Variants in GALNT2 observed in about 807,000 individuals in gnomAD.
The protein encoded by GALNT2 is polypeptide N-acetylgalactosaminyltransferase 2, also known as UDP-GalNAc:polypeptide N-acetylgalactosaminyltransferase 2.
Under a neutral mutation model 81.4 loss-of-function variants are expected in GALNT2, and 31 were observed. The ratio of observed to expected loss-of-function variants is 0.38; its 90% confidence interval spans 0.29 to 0.51. The LOEUF (loss-of-function observed/expected upper bound fraction) is 0.51. Among genes scored for constraint, GALNT2 ranks in the 20% least tolerant of loss-of-function variants. The pLI is 0.87. For missense variants in GALNT2, 629 were observed against 765.7 expected (o/e 0.82, Z 2.11); for synonymous variants, 303 against 287.4 (o/e 1.05, Z -0.55).
intron 1 of GALNT2, among the ~76,000 whole-genome samples, chr1:230,150,866 A>G (rs967492495): frequency 7.9e-5 from 12 of 152,174 alleles, no homozygotes; most frequent in Admixed American, 2.0e-4. Context: ...CTGTCTTCTG[A>G]GCACAAAGGA....
chr1:230,168,478 A>G (rs544022111), intron 1 of GALNT2, among the ~76,000 whole-genome samples: 7 of 152,186 alleles, frequency 4.6e-5, no homozygotes, highest in Non-Finnish European at 1.0e-4. Flanking sequence ...GATTATTCTC[A>G]TTGGAAGATT....
chr1:230,093,316 CAG>C (rs1558079282), intron 1 of GALNT2, among the ~76,000 whole-genome samples: 4 of 151,872 alleles, frequency 2.6e-5, no homozygotes, highest in South Asian at 4.1e-4. Flanking sequence ...TAGTGTCCGT[CAG>C]GGGGAGAAAT....
chr1:230,126,703 AATCT>A (rs1324619197), intron 1 of GALNT2, among the ~76,000 whole-genome samples: 2 of 152,184 alleles, frequency 1.3e-5, no homozygotes, highest in Non-Finnish European at 2.9e-5. Context: ...ATGTTGACAA[AATCT>A]AAAGTTGTAC....
chr1:230,151,701 C>A (rs1026451977), intron 1 of GALNT2, among the ~76,000 whole-genome samples: 12 of 152,276 alleles, frequency 7.9e-5, no homozygotes, highest in South Asian at 2.1e-4. Flanking sequence ...GAAAGGGGTC[C>A]CGATCCAGAC....
intron 3 of GALNT2, among the ~76,000 whole-genome samples, chr1:230,230,963 A>G (rs1369001430): frequency 6.6e-6 from 1 of 152,072 alleles, no homozygotes; most frequent in African/African-American, 2.4e-5. Flanking sequence ...CTCCTTCTTA[A>G]AGAGAGTTTA....
intron 3 of GALNT2, among the ~76,000 whole-genome samples, chr1:230,226,563 G>A (rs1221224182): frequency 6.6e-6 from 1 of 152,230 alleles, no homozygotes; most frequent in Non-Finnish European, 1.5e-5. Flanking sequence ...CAGGTGCTGT[G>A]TTGGCTGGAG....
chr1:230,140,167 G>T (rs1453483869), intron 1 of GALNT2, among the ~76,000 whole-genome samples: 1 of 152,212 alleles, frequency 6.6e-6, no homozygotes, highest in Non-Finnish European at 1.5e-5. Context: ...CTTTTTAATG[G>T]CCAGCTCACC....
At chr1:230,194,563 A>G (rs755816075) in intron 2 of GALNT2, among the ~76,000 whole-genome samples, 13 of 152,258 alleles carry the variant, frequency 8.5e-5, no homozygotes, top group Non-Finnish European at 1.3e-4. Flanking sequence ...CCTTAGGGCC[A>G]TCAGTCCAAA....
At chr1:230,160,127 C>A (rs1662386189) in intron 1 of GALNT2, among the ~76,000 whole-genome samples, 1 of 152,214 alleles carries the variant, frequency 6.6e-6, no homozygotes, top group Non-Finnish European at 1.5e-5. Context: ...TCACTCCCTT[C>A]CATGAAGTGC....
chr1:230,086,525 T>C (rs1167358432), intron 1 of GALNT2, among the ~76,000 whole-genome samples: 2 of 152,216 alleles, frequency 1.3e-5, no homozygotes, highest in Non-Finnish European at 2.9e-5. Context: ...TTTACAGTTT[T>C]TAGGGGGATG....
At chr1:230,108,707 T>A (rs898209029) in intron 1 of GALNT2, among the ~76,000 whole-genome samples, 8 of 152,216 alleles carry the variant, frequency 5.3e-5, no homozygotes, top group Non-Finnish European at 2.9e-5. Context: ...AACGTTAGCC[T>A]GCAATTGGGC....
chr1:230,192,756 C>T (rs1663570360), intron 2 of GALNT2, among the ~76,000 whole-genome samples: 1 of 152,264 alleles, frequency 6.6e-6, no homozygotes, highest in South Asian at 2.1e-4. Context: ...CTTAGGTTTT[C>T]TTTTAAATAG....
chr1:230,278,130 A>T (rs575372826), intron 15 of GALNT2, among the ~76,000 whole-genome samples: 23 of 123,232 alleles, frequency 1.9e-4, no homozygotes, highest in Admixed American at 2.6e-4. Flanking sequence ...TTTTTTTTTT[A>T]AGAGACAGGA....
At chr1:230,274,319 C>T (rs1276229182) in intron 14 of GALNT2, 126 bp from the exon 15 acceptor site, 1 of 1,287,416 alleles carries the variant, frequency 7.8e-7, no homozygotes, top group African/African-American at 1.5e-5. Flanking sequence ...TCTCAGTTGG[C>T]TCAGGGGTTC....
chr1:230,064,394 A>T (rs1368862450), upstream of GALNT2, among the ~76,000 whole-genome samples: 1 of 152,172 alleles, frequency 6.6e-6, no homozygotes, highest in Non-Finnish European at 1.5e-5. Flanking sequence ...GGTTGGAGGA[A>T]GCTCATTCTC....
chr1:230,109,884 G>A (rs1183073455), intron 1 of GALNT2, among the ~76,000 whole-genome samples: 1 of 151,744 alleles, frequency 6.6e-6, no homozygotes, highest in East Asian at 1.9e-4. Context: ...TGAGCCTCAA[G>A]TCAGAAAGAC....
At chr1:230,171,704 A>T (rs1662799003) in intron 1 of GALNT2, among the ~76,000 whole-genome samples, 2 of 152,350 alleles carry the variant, frequency 1.3e-5, no homozygotes, top group South Asian at 4.1e-4. Flanking sequence ...GCTTTGGATG[A>T]TTTAGCAATA....
At chr1:230,211,632 G>A (rs966024859) in intron 3 of GALNT2, among the ~76,000 whole-genome samples, 3 of 152,048 alleles carry the variant, frequency 2.0e-5, no homozygotes, top group South Asian at 4.1e-4. Context: ...AATTACTCTA[G>A]TGTGGTGGTG....
At chr1:230,266,906 T>C (rs573738305) in intron 14 of GALNT2, among the ~76,000 whole-genome samples, 1 of 152,346 alleles carries the variant, frequency 6.6e-6, no homozygotes. Context: ...AATAGCTAAA[T>C]GTGATGCTAT....
Sources: gnomAD v4.1 joint callset for allele counts (sites outside exome capture counted in the v4.1 genomes callset) on GRCh38, gnomAD v4.1.1 for gene constraint, MANE v1.5 for transcripts, NCBI Gene and HGNC (gene_info 2026-07-23, HGNC 2026-07-21) for gene names.